The following UBR4 variants were observed in gnomAD, a reference collection of about 807,000 sequenced individuals.
UBR4 encodes the protein ubiquitin protein ligase E3 component n-recognin 4, also known as E3 ubiquitin-protein ligase UBR4.
A neutral mutation model predicts 575.6 loss-of-function variants in UBR4; 124 were observed. The observed-to-expected ratio is 0.22, with a 90% confidence interval of 0.19 to 0.25. The LOEUF is 0.25. UBR4 is among the 10% of genes least tolerant of loss of function. The probability of loss-of-function intolerance (pLI) is 1.00; values close to 1 mark genes in which losing one functional copy is unlikely to be tolerated. For synonymous variants in UBR4, 2,455 were observed against 2,473.7 expected (o/e 0.99, Z 0.22); for missense variants, 4,818 against 6,478.8 (o/e 0.74, Z 8.80).
At chr1:19,136,658 C>T (rs2083229919) in intron 60 of UBR4, among the ~76,000 whole-genome samples, 1 of 152,064 alleles carries the variant, frequency 6.6e-6, no homozygotes, top group African/African-American at 2.4e-5. Flanking sequence ...TAGCAATCAA[C>T]ATTAATTATA....
At chr1:19,185,492 T>C (rs2091436303) in intron 14 of UBR4, among the ~76,000 whole-genome samples, 1 of 151,950 alleles carries the variant, frequency 6.6e-6, no homozygotes, top group Admixed American at 6.6e-5. Context: ...CTGATTCAAA[T>C]GTTTGGATAG....
At chr1:19,172,827 A>C (rs1380291409) in intron 25 of UBR4, 37 bp downstream of exon 25, 6 of 1,586,836 alleles carry the variant, frequency 3.8e-6, no homozygotes, top group Non-Finnish European at 5.2e-6. Context: ...CGGAGTGAAG[A>C]GTGCATGTGC....
chr1:19,162,249 G>T (rs572158632), intron 35 of UBR4, among the ~76,000 whole-genome samples, 171 bp downstream of exon 35: 1 of 152,352 alleles, frequency 6.6e-6, no homozygotes, highest in South Asian at 2.1e-4. Context: ...TTCCACAAGA[G>T]ATTAGATCCC....
At chr1:19,095,099 A>G in intron 93 of UBR4, 74 bp from the exon 94 acceptor site, 1 of 1,607,856 alleles carries the variant, frequency 6.2e-7, no homozygotes, top group Non-Finnish European at 8.5e-7. Flanking sequence ...ATTGCTCTCA[A>G]GGATGCCCTC....
chr1:19,192,558 G>A lies in UBR4; in HGVS notation c.1144-18C>T, dbSNP rs1379734632. On this transcript the variant is annotated intron_variant, in intron 9 of 105. Transcript: ENST00000375254. ...ATTTCGAGCTGTACAATATCAAACAGACACAAAAATCTGAACAAGCTGACA... is the reference window on the plus strand; with the variant it reads ...ATTTCGAGCTGTACAATATCAAACAAACACAAAAATCTGAACAAGCTGACA... 1 of 1,613,610 alleles carries A rather than the reference G, an allele frequency of 6.2e-7. No homozygotes were observed. The highest frequency in any genetic ancestry group is 8.5e-7 in the Non-Finnish European group (1 of 1,179,748).
Position 19,141,683 on chromosome 1 carries a change from T to C in UBR4, c.8274A>G (p.Glu2758=). The C allele has an allele frequency of 6.2e-7, 1 of 1,614,238 alleles. No homozygotes were observed. ...NGGHIRQESQ[E]QSEVDHGDFE... ...AATCTCCATGGTCCACCTCACTCTG[T>C]TCCTGGCTTTCCTGACGGATGTGAC... The change falls in exon 56 of 106, where the codon GAA becomes GAG. Residue 2758 remains glutamate, a synonymous_variant. Transcript: ENST00000375254.
intron 1 of UBR4, among the ~76,000 whole-genome samples, chr1:19,206,707 T>G (rs1295498070): frequency 2.0e-5 from 3 of 152,216 alleles, no homozygotes; most frequent in Non-Finnish European, 4.4e-5. Context: ...GCTAGCTACA[T>G]GCTATAGAGA....
chr1:19,156,481 C>G, intron 41 of UBR4, 58 bp from the exon 42 acceptor site: 1 of 1,581,432 alleles, frequency 6.3e-7, no homozygotes, highest in Non-Finnish European at 8.6e-7. Context: ...TGGGCTAATT[C>G]ATTTCAGAGT....
At chr1:19,095,723 G>A in intron 92 of UBR4, 71 bp from the exon 93 acceptor site, 1 of 1,423,178 alleles carries the variant, frequency 7.0e-7, no homozygotes, top group South Asian at 1.2e-5. Flanking sequence ...AGTAGGAAAG[G>A]GATGTCTAAG....
In UBR4 at chr1:19,076,765, G is replaced by A; in HGVS notation, c.15462C>T (p.Thr5154=). 1 of 1,614,164 alleles carries A rather than the reference G, an allele frequency of 6.2e-7. No homozygotes were observed. Among genetic ancestry groups the A allele is most frequent in the Admixed American group, 1.7e-5 (1 of 60,028 alleles). The change falls in exon 105 of 106, where the codon ACC becomes ACT. Residue 5154 remains threonine, a synonymous_variant. Transcript: ENST00000375254. ...TFQEEFMPVE[T]FSEFLDVAGL... ...CGGCCACATCGAGGAACTCTGAGAA[G>A]GTCTCCACTGGCATGAACTCCTCCT... is the stretch of plus-strand genomic sequence containing the variant.
rs150076638 is a variant in UBR4, at chr1:19,076,987, C to T, written c.15325-85G>A. 23 of 1,443,056 alleles carry T rather than the reference C, an allele frequency of 1.6e-5. No homozygotes were observed. In the East Asian group the frequency reaches 1.6e-4, roughly 10 times the overall value. 89.4% of individuals were successfully genotyped at this position (1,443,056 alleles called of 1,614,324 possible). ...CTCAAGTCAGTCAGGCCATTTCAAC[C>T]CCTCAAAGGACAGCCCTCCCAACCT... On this transcript the variant is annotated intron_variant, in intron 104 of 105. Transcript: ENST00000375254.
Position 19,157,902 on chromosome 1 carries a change from A to G in UBR4, c.5673T>C (p.Ala1891=). 1 of 1,614,248 alleles carries G rather than the reference A, an allele frequency of 6.2e-7. No individual in the cohort carries two copies. The highest frequency in any genetic ancestry group is 8.5e-7 in the Non-Finnish European group (1 of 1,180,040). Residue 1891 remains alanine (A), a synonymous_variant, in exon 40 of 106, where the codon GCT becomes GCC. Coordinates refer to ENST00000375254, the MANE Select transcript of UBR4 (RefSeq NM_020765.3). The surrounding 1 kb of genome is among the most constrained non-coding windows in gnomAD (Gnocchi z 4.4). ...QGQTIRQLIS[A]HVLRRVAMCV... is the part of the protein sequence containing the mutation. Reference sequence around the variant, plus strand: ...ACATAGCCACCCGCCTGAGCACATGAGCACTGATCAGCTGCCGGATGGTCT... The same window carrying G: ...ACATAGCCACCCGCCTGAGCACATGGGCACTGATCAGCTGCCGGATGGTCT...
chr1:19,133,683 C>T (rs1276885649), intron 60 of UBR4, among the ~76,000 whole-genome samples: 1 of 152,102 alleles, frequency 6.6e-6, no homozygotes, highest in Non-Finnish European at 1.5e-5. Flanking sequence ...GGTGCAGTGG[C>T]TCACACATGT....
In UBR4 at chr1:19,117,463, G is replaced by A. The variant is rs1390051041; in HGVS notation, c.10630-49C>T. On this transcript the variant is annotated intron_variant, in intron 72 of 105. Transcript: ENST00000375254. This position sits in a 1 kb window ranked among gnomAD's most constrained non-coding sequence, Gnocchi z 4.0. ...ATGGTATTAGTTCAAGACTCGTACT[G>A]CCTTTTTAAAAATTCATCAGTGTAA... 1 of 1,580,702 alleles carries A rather than the reference G, an allele frequency of 6.3e-7. No individual in the cohort carries two copies. Among genetic ancestry groups the A allele is most frequent in the Admixed American group, 1.7e-5 (1 of 58,780 alleles).
intron 59 of UBR4, among the ~76,000 whole-genome samples, chr1:19,138,472 A>G (rs2083441995): frequency 2.0e-5 from 3 of 152,250 alleles, no homozygotes; most frequent in Admixed American, 1.3e-4. Context: ...ATACACTGAT[A>G]GGGGAATCTA....
At chr1:19,177,806 G>A (rs2066002) in intron 18 of UBR4, 63 bp from the exon 19 acceptor site, 462,108 of 1,539,362 alleles carry the variant, frequency 0.3, 74,077 homozygotes, top group East Asian at 0.63. Context: ...GAGTTATAAT[G>A]TCAAGCACTA....
chr1:19,100,637 C>A lies in UBR4; in HGVS notation c.13024-64G>T. 1 of 1,521,888 alleles carries A rather than the reference C, an allele frequency of 6.6e-7. No individual in the cohort carries two copies. Among genetic ancestry groups the A allele is most frequent in the Non-Finnish European group, 9.1e-7 (1 of 1,100,386 alleles). 94.3% of individuals were successfully genotyped at this position (1,521,888 alleles called of 1,614,324 possible). On this transcript the variant is annotated intron_variant, in intron 88 of 105. Coordinates refer to ENST00000375254, the MANE Select transcript of UBR4 (RefSeq NM_020765.3). The surrounding 1 kb of genome is among the most constrained non-coding windows in gnomAD (Gnocchi z 4.2). ...AGAGGTGGAGATTTATACCATGCTA[C>A]CTTGTTCCATGGACACTCGAGGAAA...
At chr1:19,120,080 C>G (rs975439931) in intron 69 of UBR4, 100 bp downstream of exon 69, 1 of 1,386,000 alleles carries the variant, frequency 7.2e-7, no homozygotes, top group Admixed American at 1.9e-5. Context: ...GGCGTAACTA[C>G]TGACTCTGTG....
At chr1:19,121,480 CA>C in intron 67 of UBR4, 46 bp from the exon 68 acceptor site, 1 of 1,577,310 alleles carries the variant, frequency 6.3e-7, no homozygotes, top group Non-Finnish European at 8.6e-7. Flanking sequence ...CGACCTCAAC[CA>C]GACTCAGGAG....
Sources: gnomAD v4.1 joint callset for allele counts (sites outside exome capture counted in the v4.1 genomes callset) on GRCh38, gnomAD v4.1.1 for gene constraint, Gnocchi (gnomAD v3.1) non-coding constraint, MANE v1.5 for transcripts, NCBI Gene and HGNC (gene_info 2026-07-23, HGNC 2026-07-21) for gene names.